The following SLC45A4 variants were observed in gnomAD, a reference collection of about 807,000 sequenced individuals.
SLC45A4 encodes the protein solute carrier family 45 member 4, also known as polyamine-transporter SLC45A4.
SLC45A4 carries 32 observed loss-of-function variants against 63.7 expected under a neutral mutation model. The ratio of observed to expected loss-of-function variants is 0.50; its 90% CI spans 0.38 to 0.67. SLC45A4 has a LOEUF of 0.67. Among genes scored for constraint, SLC45A4 ranks in the 30% least tolerant of loss-of-function variants. SLC45A4 has a pLI of 0.00. For missense variants in SLC45A4, 1,027 were observed against 1,157.7 expected (o/e 0.89, Z 1.64); for synonymous variants, 535 against 510.0 (o/e 1.05, Z -0.66).
intron 1 of SLC45A4, among the ~76,000 whole-genome samples, chr8:141,301,659 G>C (rs7836656): frequency 0.96 from 142,406 of 149,076 alleles, 68,389 homozygotes; most frequent in Middle Eastern, 1. Flanking sequence ...CACTTGAGCC[G>C]GGGAGGTCGA....
chr8:141,293,376 C>T (rs914070477), intron 1 of SLC45A4, among the ~76,000 whole-genome samples: 12 of 152,292 alleles, frequency 7.9e-5, no homozygotes, highest in African/African-American at 2.9e-4. Context: ...ATCACTCAAA[C>T]CCAGTAGGCA....
rs142818740 is a variant in SLC45A4 at position 141,228,232 on chromosome 8, C to T, written c.242-6467G>A. On this transcript the variant is annotated intron_variant, in intron 2 of 8. Coordinates refer to ENST00000517878, the MANE Select transcript of SLC45A4 (RefSeq NM_001286646.2). ...CAGTGGACTCACAAGGGTCTTTGGA[C>T]GGGACAGCCCTGAGGCTGGGCTTGC... 2.4e-5 allele frequency: 38 copies of T among 1,613,928 alleles called. No homozygotes were observed. The highest frequency in any genetic ancestry group is 6.7e-5 in the African/African-American group (5 of 74,908).
At chr8:141,271,252 T>C (rs1016567053) in intron 1 of SLC45A4, among the ~76,000 whole-genome samples, 3 of 152,194 alleles carry the variant, frequency 2.0e-5, no homozygotes, top group Admixed American at 6.5e-5. Context: ...ACAGGCCAAC[T>C]GTAGGATGCT....
Position 141,227,031 on chromosome 8 carries a change from C to A in SLC45A4, c.242-5266G>T, listed in dbSNP as rs1318408864. ...GTCCCCGGCGGTGAGAACTCGGTCT[C>A]CCCCGTTCGTAGCAGGGGGCTGCCA... On this transcript the variant is annotated intron_variant, in intron 2 of 8. Coordinates refer to ENST00000517878, the MANE Select transcript of SLC45A4 (RefSeq NM_001286646.2). This position sits in a 1 kb window ranked among gnomAD's most constrained non-coding sequence, Gnocchi z 4.4. 6.6e-6 allele frequency: 1 copy of A among 152,288 alleles called. No homozygotes were observed. Among genetic ancestry groups the A allele is most frequent in the Non-Finnish European group, 1.5e-5 (1 of 68,070 alleles). The allele number at this position is 152,288 out of a possible 1,614,324, so 9.4% of individuals were successfully genotyped here.
rs1589787038 is a variant in SLC45A4, at chr8:141,229,361, C to T, written c.242-7596G>A. Among the ~76,000 whole-genome samples the T allele has an allele frequency of 6.6e-6, 1 of 152,124 alleles. No individual in the cohort carries two copies. The highest frequency in any genetic ancestry group is 2.1e-4 in the South Asian group (1 of 4,828). On this transcript the variant is annotated intron_variant, in intron 2 of 8. Coordinates refer to ENST00000517878, the MANE Select transcript of SLC45A4 (RefSeq NM_001286646.2). The surrounding 1 kb of genome is among the most constrained non-coding windows in gnomAD (Gnocchi z 5.0). ...CACTGGCTGGACAGCCCATGCCAGA[C>T]CGCTTCCCTCTCCACACCAGACTCC...
At chr8:141,255,908 G>C (rs1395951099) in intron 1 of SLC45A4, among the ~76,000 whole-genome samples, 1 of 152,044 alleles carries the variant, frequency 6.6e-6, no homozygotes, top group South Asian at 2.1e-4. Flanking sequence ...TGAAATTATA[G>C]ACCTTTTCTC....
intron 1 of SLC45A4, among the ~76,000 whole-genome samples, chr8:141,267,348 C>T (rs550590169): frequency 2.0e-5 from 3 of 152,354 alleles, no homozygotes; most frequent in Admixed American, 6.5e-5. Flanking sequence ...GGAGTGGAGA[C>T]GCTGAGGGAT....
In SLC45A4 at chr8:141,279,006, T is replaced by C. The variant is rs556487622; in HGVS notation, c.-400-24377A>G. On this transcript the variant is annotated intron_variant, in intron 1 of 8. Transcript: ENST00000517878. Reference sequence around the variant, plus strand: ...GCCCCCAGCCTGTGGGCACAGTTTCTCTCCACAGGCTTGGCTGGGCCTGGC... The same window carrying C: ...GCCCCCAGCCTGTGGGCACAGTTTCCCTCCACAGGCTTGGCTGGGCCTGGC... Among the ~76,000 whole-genome samples, 3 of 152,234 alleles carry C rather than the reference T, an allele frequency of 2.0e-5. No individual in the cohort carries two copies. In the South Asian group the frequency reaches 6.2e-4, roughly 32 times the overall value.
chr8:141,226,719 TC>T (rs1412380556), intron 2 of SLC45A4: 1 of 152,016 alleles, frequency 6.6e-6, no homozygotes, highest in Non-Finnish European at 1.5e-5. Context: ...CATTCTTCCC[TC>T]CCCAGTCAGC....
At chr8:141,251,729 G>A (rs558503406) in intron 2 of SLC45A4, among the ~76,000 whole-genome samples, 1 of 152,026 alleles carries the variant, frequency 6.6e-6, no homozygotes, top group Non-Finnish European at 1.5e-5. Flanking sequence ...GATTGCAGAC[G>A]GAAAAGCACG....
intron 1 of SLC45A4, among the ~76,000 whole-genome samples, chr8:141,300,306 G>A (rs1260659467): frequency 1.3e-5 from 2 of 152,206 alleles, no homozygotes; most frequent in East Asian, 1.9e-4. Flanking sequence ...ACAACGCAAA[G>A]TTCTACTGCT....
chr8:141,302,424 C>T (rs1830778006), intron 1 of SLC45A4, among the ~76,000 whole-genome samples: 1 of 151,468 alleles, frequency 6.6e-6, no homozygotes, highest in African/African-American at 2.4e-5. Flanking sequence ...CACCCCTGCC[C>T]CCAGGTTCAA....
At chr8:141,264,866 A>C (rs1337707540) in intron 1 of SLC45A4, among the ~76,000 whole-genome samples, 1 of 152,244 alleles carries the variant, frequency 6.6e-6, no homozygotes, top group Non-Finnish European at 1.5e-5. Context: ...GAAGTCAGCT[A>C]TAATTTACAT....
At chr8:141,258,356 A>AC (rs1164718210) in intron 1 of SLC45A4, among the ~76,000 whole-genome samples, 1 of 152,204 alleles carries the variant, frequency 6.6e-6, no homozygotes, top group East Asian at 1.9e-4. Flanking sequence ...TGGCAACGCT[A>AC]CAGGCCATTC....
intron 2 of SLC45A4, among the ~76,000 whole-genome samples, chr8:141,232,558 C>T (rs1827414796): frequency 6.6e-6 from 1 of 152,116 alleles, no homozygotes; most frequent in African/African-American, 2.4e-5. Context: ...GCAACGTGAA[C>T]ACACACACTC....
chr8:141,269,413 A>G (rs1039366299), intron 1 of SLC45A4, among the ~76,000 whole-genome samples: 1 of 144,682 alleles, frequency 6.9e-6, no homozygotes, highest in Non-Finnish European at 1.5e-5. Flanking sequence ...GCAGCGGCAG[A>G]GGGGAGTGGG....
chr8:141,304,542 G>A (rs938195864), intron 1 of SLC45A4, among the ~76,000 whole-genome samples: 25 of 126,678 alleles, frequency 2.0e-4, no homozygotes, highest in Admixed American at 9.6e-4. Context: ...CTGGGTGACA[G>A]AGTAAGACTG....
intron 1 of SLC45A4, among the ~76,000 whole-genome samples, chr8:141,290,659 G>A (rs963223968): frequency 6.6e-6 from 1 of 152,160 alleles, no homozygotes; most frequent in South Asian, 2.1e-4. Context: ...AAACCAGGCC[G>A]CCCTCCTCCA....
At chr8:141,259,822 C>T (rs1028671786) in intron 1 of SLC45A4, among the ~76,000 whole-genome samples, 5 of 152,210 alleles carry the variant, frequency 3.3e-5, no homozygotes, top group African/African-American at 1.2e-4. Context: ...CTTCCATATG[C>T]ACCGTTTCCA....
Sources: gnomAD v4.1 joint callset for allele counts (sites outside exome capture counted in the v4.1 genomes callset) on GRCh38, gnomAD v4.1.1 for gene constraint, Gnocchi (gnomAD v3.1) non-coding constraint, MANE v1.5 for transcripts, NCBI Gene and HGNC (gene_info 2026-07-23, HGNC 2026-07-21) for gene names.